HMGCS2: variants seen among roughly 807,000 people sequenced by gnomAD.
HMGCS2 encodes 3-hydroxy-3-methylglutaryl-CoA synthase 2.
HMGCS2 carries 50 observed loss-of-function variants against 57.4 expected under a neutral mutation model. The observed-to-expected ratio is 0.87, with a 90% CI of 0.69 to 1.10. The LOEUF (loss-of-function observed/expected upper bound fraction) is 1.10. Among genes scored for constraint, HMGCS2 ranks in the 50% least tolerant of loss-of-function variants. The pLI, the probability that HMGCS2 is intolerant of heterozygous loss-of-function variation, is 0.00. For missense variants in HMGCS2, 627 were observed against 636.5 expected, an observed-to-expected ratio of 0.99 and a Z score of 0.16; for synonymous variants, 254 against 245.1, an observed-to-expected ratio of 1.04 and a Z score of -0.34.
intron 1 of HMGCS2, among the ~76,000 whole-genome samples, chr1:119,767,111 T>C (rs587691042): frequency 1.2e-4 from 19 of 152,286 alleles, no homozygotes; most frequent in African/African-American, 4.3e-4. Flanking sequence ...TTGTGAGGGT[T>C]GAACAAAGGG....
Position 119,768,759 on chromosome 1 carries a change from A to G in HMGCS2, c.86T>C (p.Leu29Pro). 6.2e-7 allele frequency: 1 copy of G among 1,613,628 alleles called. No homozygotes were observed. The highest frequency in any genetic ancestry group is 2.2e-5 in the East Asian group (1 of 44,870). The change falls in exon 1 of 10, where the codon CTC (leucine) becomes CCC (proline). Residue 29 changes from leucine (L) to proline (P), a missense_variant. Transcript: ENST00000369406. ...GACTCACCTTTGGTGGGCTACTGGG[A>G]GCAGGCGAGCAGGTGTGAGGGAGGT... is the stretch of plus-strand genomic sequence containing the variant. Reference protein sequence around the residue: ...QETSLTPARLLPVAHQRFSTA... With the variant: ...QETSLTPARLPPVAHQRFSTA...
At chr1:119,763,702 A>G (rs1348007292) in intron 2 of HMGCS2, among the ~76,000 whole-genome samples, 4 of 152,236 alleles carry the variant, frequency 2.6e-5, no homozygotes. Context: ...AGAAATACTC[A>G]CAGTCTATCT....
intron 1 of HMGCS2, among the ~76,000 whole-genome samples, chr1:119,767,463 A>C (rs759199399): frequency 2.0e-5 from 3 of 152,226 alleles, no homozygotes; most frequent in Non-Finnish European, 4.4e-5. Context: ...GCAGGGAGAC[A>C]ATATGTGAGA....
chr1:119,766,839 T>A (rs3790693), intron 1 of HMGCS2, among the ~76,000 whole-genome samples: 53,495 of 151,828 alleles, frequency 0.35, 9,884 homozygotes, highest in Non-Finnish European at 0.41. Context: ...GGGAGCTATT[T>A]CTAGAAATGG....
chr1:119,765,980 C>G (rs1252459227), intron 1 of HMGCS2, among the ~76,000 whole-genome samples: 1 of 152,120 alleles, frequency 6.6e-6, no homozygotes, highest in East Asian at 1.9e-4. Flanking sequence ...GCAGGGAACA[C>G]AGACAGCAGA....
At chr1:119,749,634 C>T (rs1274051743) in intron 9 of HMGCS2, among the ~76,000 whole-genome samples, 1 of 152,178 alleles carries the variant, frequency 6.6e-6, no homozygotes, top group African/African-American at 2.4e-5. Context: ...GCTGCAACAG[C>T]CTAGCACCTG....
chr1:119,754,864 C>CA (rs1334258296), intron 6 of HMGCS2, among the ~76,000 whole-genome samples: 1 of 152,152 alleles, frequency 6.6e-6, no homozygotes, highest in Non-Finnish European at 1.5e-5. Context: ...TTGATGTGCC[C>CA]AAACAGATCT....
At chr1:119,765,934 C>T (rs1047220822) in intron 1 of HMGCS2, among the ~76,000 whole-genome samples, 8 of 152,132 alleles carry the variant, frequency 5.3e-5, no homozygotes, top group African/African-American at 1.7e-4. Context: ...GAGAGCACAG[C>T]CCAGTGAAAG....
Position 119,764,406 on chromosome 1 carries a change from C to T in HMGCS2, c.325G>A (p.Val109Met), listed in dbSNP as rs776751915. Reference sequence around the variant, plus strand: ...ATGCGCTCCATCAGCCGTTGCACCACCGTCAGGCACAGGGAGTTGATGTCC... The same window carrying T: ...ATGCGCTCCATCAGCCGTTGCACCATCGTCAGGCACAGGGAGTTGATGTCC... ...QEDINSLCLT[V>M]VQRLMERIQL... The change falls in exon 2 of 10, where the codon GTG (valine) becomes ATG (methionine). Residue 109 changes from valine to methionine, a missense_variant. By Grantham distance (21) the Val-to-Met change is conservative. Transcript: ENST00000369406. The T allele has an allele frequency of 1.2e-6, 2 of 1,614,260 alleles. No homozygotes were observed. The highest frequency in any genetic ancestry group is 1.3e-5 in the African/African-American group (1 of 75,074).
intron 5 of HMGCS2, among the ~76,000 whole-genome samples, 158 bp from the exon 6 acceptor site, chr1:119,755,755 G>A (rs1344981362): frequency 6.6e-6 from 1 of 152,050 alleles, no homozygotes; most frequent in Non-Finnish European, 1.5e-5. Flanking sequence ...TACCACTAAT[G>A]GCCTTACCAT....
At chr1:119,749,496 T>C (rs1652577712) in intron 9 of HMGCS2, among the ~76,000 whole-genome samples, 1 of 151,682 alleles carries the variant, frequency 6.6e-6, no homozygotes, top group Admixed American at 6.6e-5. Flanking sequence ...GAACCGTATT[T>C]CCAACATGCA....
chr1:119,764,042 C>T, intron 2 of HMGCS2, 130 bp downstream of exon 2: 1 of 745,874 alleles, frequency 1.3e-6, no homozygotes, highest in South Asian at 1.5e-5. Context: ...GGGATGATAG[C>T]AGCAGCTGTG....
chr1:119,755,544 A>G lies in HMGCS2; in HGVS notation c.1070T>C (p.Leu357Pro). Residue 357 changes from leucine to proline, a missense_variant, in exon 6 of 10, where the codon CTA becomes CCA. By Grantham distance (98) the Leu-to-Pro change is moderately conservative (BLOSUM62 -3). Coordinates refer to ENST00000369406, the MANE Select transcript of HMGCS2 (RefSeq NM_005518.4). ...GTCGAACATGTCCTGAGAGGCCTTT[A>G]GAAGTGCTTTATCCAGGTCCTTGTT... ...YTNKDLDKAL[L>P]KASQDMFDKK... 6.2e-7 allele frequency: 1 copy of G among 1,614,128 alleles called. No individual in the cohort carries two copies. The highest frequency in any genetic ancestry group is 2.2e-5 in the East Asian group (1 of 44,874).
intron 4 of HMGCS2, 22 bp from the exon 5 acceptor site, chr1:119,757,460 C>T: frequency 6.2e-7 from 1 of 1,614,052 alleles, no homozygotes; most frequent in Non-Finnish European, 8.5e-7. Context: ...AGCGTGAAGG[C>T]AAGGATGGGG....
At position 119,755,614 on chromosome 1, in the gene HMGCS2, G is replaced by A. The variant is rs370257324; in HGVS notation, c.1017-17C>T. ...TTTAGCCCCCTGTGAGGTAGCCAGAGGTAGCCATGTGAGAGGCCAGGGGAC... is the reference window on the plus strand; with the variant it reads ...TTTAGCCCCCTGTGAGGTAGCCAGAAGTAGCCATGTGAGAGGCCAGGGGAC... On this transcript the variant is annotated splice_polypyrimidine_tract_variant and intron_variant, in intron 5 of 9. Transcript: ENST00000369406. 2.2e-5 allele frequency: 35 copies of A among 1,613,862 alleles called. No individual in the cohort carries two copies. Among genetic ancestry groups the A allele is most frequent in the Non-Finnish European group, 2.9e-5 (34 of 1,179,886 alleles).
chr1:119,766,448 C>T (rs1455754960), intron 1 of HMGCS2, among the ~76,000 whole-genome samples: 2 of 152,202 alleles, frequency 1.3e-5, no homozygotes, highest in East Asian at 3.8e-4. Context: ...TCTAGAGCCT[C>T]TCCCAGCAGC....
rs769805017 is a variant in HMGCS2, at chr1:119,755,376, G to A, written c.1187+51C>T. The stretch of plus-strand genomic sequence containing the variant: ...TTTGTTGACCCTGCAGCCCACGGGG[G>A]CGGAGGCTGAGGGTGTGCATGGAGG... On this transcript the variant is annotated intron_variant, in intron 6 of 9. Coordinates refer to ENST00000369406, the MANE Select transcript of HMGCS2 (RefSeq NM_005518.4). The A allele has an allele frequency of 1.9e-6, 3 of 1,557,664 alleles. No individual in the cohort carries two copies. The South Asian group carries it at 3.3e-5, about 17-fold the overall frequency.
chr1:119,754,393 G>A (rs1217780159), intron 6 of HMGCS2, among the ~76,000 whole-genome samples: 1 of 151,854 alleles, frequency 6.6e-6, no homozygotes, highest in South Asian at 2.1e-4. Flanking sequence ...TAGAGATGGG[G>A]CCTCCCTCTG....
chr1:119,759,116 A>C lies in HMGCS2; in HGVS notation c.850+2T>G. The C allele has an allele frequency of 1.9e-6, 3 of 1,614,106 alleles. No individual in the cohort carries two copies. Among genetic ancestry groups the C allele is most frequent in the Non-Finnish European group, 2.5e-6 (3 of 1,179,986 alleles). The stretch of plus-strand genomic sequence containing the variant: ...CCACTTTCTGCCCTCTGAATCTCAT[A>C]CCTTGCTTCCACTGATTCTGGATTT... On this transcript the variant is annotated splice_donor_variant, in intron 4 of 9. Transcript: ENST00000369406. LOFTEE classifies it high-confidence loss of function.
Sources: gnomAD v4.1 joint callset for allele counts (sites outside exome capture counted in the v4.1 genomes callset) on GRCh38, gnomAD v4.1.1 for gene constraint, MANE v1.5 for transcripts, NCBI Gene and HGNC (gene_info 2026-07-23, HGNC 2026-07-21) for gene names.